UGT1A6: variants seen among roughly 807,000 people sequenced by gnomAD.
The protein encoded by UGT1A6 is UDP glucuronosyltransferase family 1 member A6, also known as UDP-glucuronosyltransferase 1A6.
Under a neutral mutation model 44.4 loss-of-function variants are expected in UGT1A6, and 32 were observed. The observed-to-expected ratio is 0.72, with a 90% CI of 0.54 to 0.97. The LOEUF is 0.97. UGT1A6 is among the 50% of genes least tolerant of loss of function. The probability of loss-of-function intolerance (pLI) is 0.00; values close to 1 mark genes in which losing one functional copy is unlikely to be tolerated. For missense variants in UGT1A6, 685 were observed against 661.9 expected, an observed-to-expected ratio of 1.03 and a Z score of -0.38; for synonymous variants, 238 against 248.5, an observed-to-expected ratio of 0.96 and a Z score of 0.40.
intron 1 of UGT1A6, among the ~76,000 whole-genome samples, chr2:233,751,632 T>C (rs1694768911): frequency 1.3e-5 from 2 of 152,196 alleles, no homozygotes; most frequent in Non-Finnish European, 2.9e-5. Context: ...ATGTGTGCAG[T>C]TTCCCCCTTG....
intron 1 of UGT1A6, among the ~76,000 whole-genome samples, chr2:233,722,564 C>G (rs2077023248): frequency 6.6e-6 from 1 of 152,184 alleles, no homozygotes; most frequent in Non-Finnish European, 1.5e-5. Flanking sequence ...TGATTTGTAG[C>G]TGCTTTTGCA....
chr2:233,714,763 T>C (rs2076410603), intron 1 of UGT1A6, among the ~76,000 whole-genome samples: 1 of 152,268 alleles, frequency 6.6e-6, no homozygotes, highest in African/African-American at 2.4e-5. Flanking sequence ...ACTTACAGTA[T>C]ATCTCAATTT....
chr2:233,761,272 T>C (rs1697733623), intron 1 of UGT1A6: 1 of 1,579,126 alleles, frequency 6.3e-7, no homozygotes, highest in African/African-American at 1.3e-5. Flanking sequence ...AATGCCCTCT[T>C]TTGTTAATTT....
At position 233,769,704 on chromosome 2, in the gene UGT1A6, T is replaced by A; in HGVS notation, c.1301+1265T>A. 6.6e-7 allele frequency: 1 copy of A among 1,519,548 alleles called. No homozygotes were observed. Among genetic ancestry groups the A allele is most frequent in the Non-Finnish European group, 8.8e-7 (1 of 1,132,514 alleles). 94.1% of individuals were successfully genotyped at this position (1,519,548 alleles called of 1,614,324 possible). On this transcript the variant is annotated intron_variant, in intron 4 of 4. Transcript: ENST00000305139. This position sits in a 1 kb window ranked among gnomAD's most constrained non-coding sequence, Gnocchi z 4.4. ...GTGGTGGCACTGGATAAAAGATCAA[T>A]GTTGGCTAGGCACCATGGCACACGC... is the stretch of plus-strand genomic sequence containing the variant.
At chr2:233,734,101 TATAATA>T (rs549143261) in intron 1 of UGT1A6, among the ~76,000 whole-genome samples, 1 of 151,280 alleles carries the variant, frequency 6.6e-6, no homozygotes, top group Admixed American at 6.6e-5. Context: ...AAACTTAAAG[TATAATA>T]ATAATAATAA....
At chr2:233,747,492 C>G (rs1313970709) in intron 1 of UGT1A6, 21 of 1,608,406 alleles carry the variant, frequency 1.3e-5, no homozygotes, top group Non-Finnish European at 1.7e-5. Context: ...TCGCCTTGTG[C>G]TGGGCCACAC....
intron 1 of UGT1A6, among the ~76,000 whole-genome samples, chr2:233,757,422 GAAGAA>G (rs1401063463): frequency 6.6e-6 from 1 of 151,344 alleles, no homozygotes; most frequent in African/African-American, 2.4e-5. Flanking sequence ...AACGAAAAGA[GAAGAA>G]AAGTCACTTC....
At chr2:233,707,645 T>C (rs542813873) in intron 1 of UGT1A6, among the ~76,000 whole-genome samples, 94 of 152,138 alleles carry the variant, frequency 6.2e-4, no homozygotes, top group African/African-American at 2.2e-3. Flanking sequence ...ATTGTATGAA[T>C]ACACCACAAT....
rs150697955 is a variant in UGT1A6 at position 233,712,999 on chromosome 2, C to G, written c.861+19134C>G. On this transcript the variant is annotated intron_variant, in intron 1 of 4. Transcript: ENST00000305139. The stretch of plus-strand genomic sequence containing the variant: ...TCGGTGGCTTCTGCTGAGATGGCCA[C>G]AGGACTCCAGGTTCCCCTGCCGCAG... 763 of 1,613,480 alleles carry G rather than the reference C, an allele frequency of 4.7e-4. 15 individuals are homozygous for G. In the South Asian group the frequency reaches 7.3e-3, roughly 15 times the overall value.
At chr2:233,739,959 T>A (rs1437269496) in intron 1 of UGT1A6, among the ~76,000 whole-genome samples, 1 of 151,940 alleles carries the variant, frequency 6.6e-6, no homozygotes, top group Non-Finnish European at 1.5e-5. Flanking sequence ...GGGAGCTGAT[T>A]GAATCATATC....
chr2:233,760,266 C>G (rs778145749), intron 1 of UGT1A6: 1 of 1,612,006 alleles, frequency 6.2e-7, no homozygotes. Flanking sequence ...GAGGGCGAAC[C>G]TCTGGCAGGA....
intron 1 of UGT1A6, among the ~76,000 whole-genome samples, chr2:233,706,453 A>G (rs919599905): frequency 2.6e-5 from 4 of 152,254 alleles, no homozygotes; most frequent in Non-Finnish European, 5.9e-5. Context: ...GCAAATGACC[A>G]TTGAGGTTTC....
At chr2:233,695,451 A>G (rs774662852) in intron 1 of UGT1A6, among the ~76,000 whole-genome samples, 22 of 149,706 alleles carry the variant, frequency 1.5e-4, no homozygotes, top group South Asian at 6.5e-4. Context: ...TTTTTGATCA[A>G]CGTGCTTTAT....
intron 1 of UGT1A6, 104 bp from the exon 2 acceptor site, chr2:233,766,930 T>G: frequency 1.9e-6 from 3 of 1,580,254 alleles, no homozygotes; most frequent in Admixed American, 1.8e-5. Flanking sequence ...ACGCATGCCT[T>G]TAATCATAGT....
At chr2:233,732,404 T>C (rs956543939) in intron 1 of UGT1A6, among the ~76,000 whole-genome samples, 10 of 152,268 alleles carry the variant, frequency 6.6e-5, no homozygotes, top group African/African-American at 2.2e-4. Flanking sequence ...GCCTAAATGA[T>C]ATTGCCTAGG....
intron 1 of UGT1A6, among the ~76,000 whole-genome samples, chr2:233,751,857 T>A (rs1270227415): frequency 6.6e-6 from 1 of 152,184 alleles, no homozygotes; most frequent in African/African-American, 2.4e-5. Context: ...ACCTTTGTCT[T>A]TTATAAATTA....
intron 1 of UGT1A6, among the ~76,000 whole-genome samples, chr2:233,764,036 G>A (rs905956037): frequency 6.6e-6 from 1 of 152,136 alleles, no homozygotes; most frequent in South Asian, 2.1e-4. Flanking sequence ...TGCTAAAGAA[G>A]AATTCTGGGA....
At chr2:233,768,183 A>G (rs753962326) in intron 3 of UGT1A6, 37 bp from the exon 4 acceptor site, 1 of 1,614,004 alleles carries the variant, frequency 6.2e-7, no homozygotes, top group Non-Finnish European at 8.5e-7. Context: ...AAACTCAGAG[A>G]TGTAACTGCT....
intron 1 of UGT1A6, among the ~76,000 whole-genome samples, chr2:233,701,639 A>C (rs146387920): frequency 0.018 from 2,734 of 152,308 alleles, 77 homozygotes; most frequent in African/African-American, 0.062. Context: ...ATTATAGCAA[A>C]CTGTCTCTCA....
Sources: gnomAD v4.1 joint callset for allele counts (sites outside exome capture counted in the v4.1 genomes callset) on GRCh38, gnomAD v4.1.1 for gene constraint, Gnocchi (gnomAD v3.1) non-coding constraint, MANE v1.5 for transcripts, NCBI Gene and HGNC (gene_info 2026-07-23, HGNC 2026-07-21) for gene names.